Variants in ABHD17C observed in about 807,000 individuals in gnomAD.
ABHD17C encodes the protein abhydrolase domain containing 17C, depalmitoylase.
Under a neutral mutation model 27.9 loss-of-function variants are expected in ABHD17C, and 11 were observed. That is an observed-to-expected ratio of 0.39 (90% CI 0.25 to 0.65). The LOEUF (loss-of-function observed/expected upper bound fraction) is 0.65. ABHD17C is among the 30% of genes least tolerant of loss of function. The pLI, the probability that ABHD17C is intolerant of heterozygous loss-of-function variation, is 0.45. For missense variants in ABHD17C, 280 were observed against 470.2 expected, an observed-to-expected ratio of 0.60 and a Z score of 3.74; for synonymous variants, 233 against 209.1, an observed-to-expected ratio of 1.11 and a Z score of -0.98.
At chr15:80,702,900 GACAA>G (rs890652181) in intron 1 of ABHD17C, 6 of 152,102 alleles carry the variant, frequency 3.9e-5, no homozygotes, top group African/African-American at 9.7e-5. Context: ...ATTCAAAAAA[GACAA>G]ACAAAACCTT....
At chr15:80,709,141 T>G (rs1360143792) in intron 1 of ABHD17C, among the ~76,000 whole-genome samples, 1 of 151,948 alleles carries the variant, frequency 6.6e-6, no homozygotes, top group Non-Finnish European at 1.5e-5. Context: ...AGTAAATATA[T>G]ACTTTTATAA....
chr15:80,726,772 G>A (rs535126890), intron 1 of ABHD17C, among the ~76,000 whole-genome samples: 7 of 152,164 alleles, frequency 4.6e-5, no homozygotes, highest in East Asian at 1.9e-4. Context: ...TGATCCGCCC[G>A]CCTCAGCCTC....
At chr15:80,719,014 A>G (rs1330274865) in intron 1 of ABHD17C, among the ~76,000 whole-genome samples, 3 of 152,234 alleles carry the variant, frequency 2.0e-5, no homozygotes, top group Non-Finnish European at 2.9e-5. Flanking sequence ...ATATGCCTTG[A>G]TAAGTACAGT....
At chr15:80,726,629 C>T (rs550519156) in intron 1 of ABHD17C, among the ~76,000 whole-genome samples, 147 of 149,772 alleles carry the variant, frequency 9.8e-4, no homozygotes, top group African/African-American at 3.5e-3. Flanking sequence ...TCTCCTGCCT[C>T]AGCCTCCCGA....
At chr15:80,715,027 C>T (rs1356313653) in intron 1 of ABHD17C, among the ~76,000 whole-genome samples, 2 of 152,110 alleles carry the variant, frequency 1.3e-5, no homozygotes, top group Admixed American at 6.5e-5. Context: ...GTGATCCGCC[C>T]ACCTCGGCCT....
At position 80,754,140 on chromosome 15, in the gene ABHD17C, C is replaced by T. The variant is rs751462410; in HGVS notation, c.771-11C>T. 6.2e-7 allele frequency: 1 copy of T among 1,608,144 alleles called. No individual in the cohort carries two copies. The highest frequency in any genetic ancestry group is 8.5e-7 in the Non-Finnish European group (1 of 1,174,836). On this transcript the variant is annotated splice_polypyrimidine_tract_variant and intron_variant, in intron 2 of 2. Transcript: ENST00000258884. ...AGTCCTCTTTCTGCCTCCCCCCTTT[C>T]TGTTTTGCAGCATTGACAAGATATC...
chr15:80,742,545 A>G (rs1280261573), intron 1 of ABHD17C, among the ~76,000 whole-genome samples: 1 of 152,152 alleles, frequency 6.6e-6, no homozygotes, highest in Non-Finnish European at 1.5e-5. Context: ...CTGATTTAAT[A>G]CTAGTCTCTT....
At chr15:80,740,307 T>C (rs1895192775) in intron 1 of ABHD17C, among the ~76,000 whole-genome samples, 1 of 152,160 alleles carries the variant, frequency 6.6e-6, no homozygotes, top group Admixed American at 6.5e-5. Context: ...CCCAAGAGTT[T>C]TGAGCCCTTA....
At chr15:80,752,239 T>C (rs562688436) in intron 2 of ABHD17C, among the ~76,000 whole-genome samples, 4 of 152,324 alleles carry the variant, frequency 2.6e-5, no homozygotes, top group East Asian at 1.9e-4. Context: ...AAATTAAATA[T>C]AGGGGGAAAG....
intron 1 of ABHD17C, among the ~76,000 whole-genome samples, chr15:80,737,984 A>T (rs1895156935): frequency 1.3e-5 from 2 of 152,188 alleles, no homozygotes; most frequent in South Asian, 4.2e-4. Flanking sequence ...TCTTTTTTCA[A>T]GGAAGATATA....
In ABHD17C at chr15:80,695,943, G is replaced by C; in HGVS notation, c.514G>C (p.Gly172Arg). 6.3e-7 allele frequency: 1 copy of C among 1,595,912 alleles called. No homozygotes were observed. Among genetic ancestry groups the C allele is most frequent in the Non-Finnish European group, 8.5e-7 (1 of 1,178,702 alleles). ...CTTCTCCTACGACTACTCGGGATAC[G>C]GCGTCAGCTCGGGCAAGCCCTCCGA... ...NIFSYDYSGYGVSSGKPSEKN... is the reference protein window; with the variant it reads ...NIFSYDYSGYRVSSGKPSEKN... Residue 172 changes from glycine (G) to arginine (R), a missense_variant, in exon 1 of 3, where the codon GGC (glycine) becomes CGC (arginine). By Grantham distance (125) the Gly-to-Arg change is moderately radical. Around this residue, in one of 2 missense-constraint regions of ABHD17C, gnomAD observed 206 missense variants for 394.7 expected, o/e 0.52. Coordinates refer to ENST00000258884, the MANE Select transcript of ABHD17C (RefSeq NM_021214.2). This position sits in a 1 kb window ranked among gnomAD's most constrained non-coding sequence, Gnocchi z 4.3.
chr15:80,734,327 C>T (rs1271278495), intron 1 of ABHD17C, among the ~76,000 whole-genome samples: 1 of 152,120 alleles, frequency 6.6e-6, no homozygotes, highest in Non-Finnish European at 1.5e-5. Context: ...TGCTCAAATG[C>T]CCTGTGGAGG....
rs768105705 is a variant in ABHD17C at position 80,695,498 on chromosome 15, G to A, written c.69G>A (p.Pro23=). The change falls in exon 1 of 3, where the codon CCG becomes CCA. Residue 23 remains proline (P), a synonymous_variant. Transcript: ENST00000258884. This position sits in a 1 kb window ranked among gnomAD's most constrained non-coding sequence, Gnocchi z 4.3. ...LGELCWLFCC[P]PCPSRIAAKL... Reference sequence around the variant, plus strand: ...AGCTGTGCTGGCTCTTCTGCTGCCCGCCCTGCCCGAGCCGCATCGCCGCCA... The same window carrying A: ...AGCTGTGCTGGCTCTTCTGCTGCCCACCCTGCCCGAGCCGCATCGCCGCCA... 26 of 1,389,896 alleles carry A rather than the reference G, an allele frequency of 1.9e-5. No individual in the cohort carries two copies. Among genetic ancestry groups the A allele is most frequent in the Non-Finnish European group, 2.5e-5 (26 of 1,061,210 alleles). The allele number at this position is 1,389,896 out of a possible 1,614,324, so 86.1% of individuals were successfully genotyped here.
At position 80,741,643 on chromosome 15, in the gene ABHD17C, G is replaced by A. The variant is rs1011049832; in HGVS notation, c.591-7870G>A. Among the ~76,000 whole-genome samples the A allele has an allele frequency of 7.9e-5, 12 of 152,032 alleles. No individual in the cohort carries two copies. The South Asian group carries it at 1.0e-3, about 13-fold the overall frequency. On this transcript the variant is annotated intron_variant, in intron 1 of 2. Coordinates refer to ENST00000258884, the MANE Select transcript of ABHD17C (RefSeq NM_021214.2). ...AAGCCCTGTACGTGCAGCAAAATTA[G>A]CACAATTTTTTTTTCTTCGTAATCT...
At chr15:80,750,470 T>TA (rs1028048870) in intron 2 of ABHD17C, among the ~76,000 whole-genome samples, 3 of 152,208 alleles carry the variant, frequency 2.0e-5, no homozygotes, top group Non-Finnish European at 2.9e-5. Context: ...TGCCATTTTA[T>TA]AAAAAAACCT....
At chr15:80,697,429 C>T (rs958779616) in intron 1 of ABHD17C, among the ~76,000 whole-genome samples, 1 of 152,136 alleles carries the variant, frequency 6.6e-6, no homozygotes, top group African/African-American at 2.4e-5. Flanking sequence ...ATAAGGTTGG[C>T]ATTAGATCTT....
intron 1 of ABHD17C, among the ~76,000 whole-genome samples, chr15:80,721,333 T>C (rs1894895069): frequency 6.6e-6 from 1 of 152,126 alleles, no homozygotes; most frequent in South Asian, 2.1e-4. Context: ...GCTGGTCCCA[T>C]ACCTGTCTGA....
chr15:80,752,726 G>T (rs944762117), intron 2 of ABHD17C, among the ~76,000 whole-genome samples: 1 of 152,192 alleles, frequency 6.6e-6, no homozygotes, highest in South Asian at 2.1e-4. Flanking sequence ...ACTACAAGAG[G>T]CTCTTTGGCA....
intron 1 of ABHD17C, among the ~76,000 whole-genome samples, chr15:80,734,128 A>T (rs117067913): frequency 1.6e-3 from 245 of 152,128 alleles, no homozygotes; most frequent in Non-Finnish European, 2.7e-3. Flanking sequence ...GGGGCTACAG[A>T]TGTGCACCAC....
Sources: gnomAD v4.1 joint callset for allele counts (sites outside exome capture counted in the v4.1 genomes callset) on GRCh38, gnomAD v4.1.1 for gene constraint, gnomAD v4.1.1 regional missense constraint, Gnocchi (gnomAD v3.1) non-coding constraint, MANE v1.5 for transcripts, NCBI Gene and HGNC (gene_info 2026-07-23, HGNC 2026-07-21) for gene names.